The following IDE variants were observed in gnomAD, a reference collection of about 807,000 sequenced individuals.
The protein encoded by IDE is insulin degrading enzyme.
A neutral mutation model predicts 133.2 loss-of-function variants in IDE; 58 were observed. That is an observed-to-expected ratio of 0.44 (90% confidence interval 0.35 to 0.54). The LOEUF (loss-of-function observed/expected upper bound fraction) is 0.54, where lower values mean the gene tolerates loss of function less well. IDE is among the 20% of genes least tolerant of loss of function. The pLI, the probability that IDE is intolerant of heterozygous loss-of-function variation, is 0.00. For missense variants in IDE, 981 were observed against 1,234.0 expected, an observed-to-expected ratio of 0.79 and a Z score of 3.07; for synonymous variants, 396 against 421.3, an observed-to-expected ratio of 0.94 and a Z score of 0.73.
At chr10:92,472,917 G>A (rs1489439905) in intron 17 of IDE, among the ~76,000 whole-genome samples, 4 of 145,936 alleles carry the variant, frequency 2.7e-5, no homozygotes, top group Non-Finnish European at 4.5e-5. Context: ...GATTACAGGC[G>A]TGAGCCACCA....
At chr10:92,466,076 A>T (rs1023260790) in intron 19 of IDE, among the ~76,000 whole-genome samples, 4 of 151,588 alleles carry the variant, frequency 2.6e-5, no homozygotes, top group African/African-American at 4.9e-5. Context: ...CTCTCATCAG[A>T]AGGAGGGGAG....
intron 1 of IDE, among the ~76,000 whole-genome samples, chr10:92,556,139 G>A (rs1003140594): frequency 1.4e-4 from 17 of 122,942 alleles, no homozygotes; most frequent in Middle Eastern, 6.6e-3. Context: ...CACCACTGCA[G>A]TCCGCAGTCC....
At position 92,455,628 on chromosome 10, in the gene IDE, T is replaced by A; in HGVS notation, c.2912A>T (p.Glu971Val). The A allele has an allele frequency of 1.9e-6, 3 of 1,594,418 alleles. No homozygotes were observed. Among genetic ancestry groups the A allele is most frequent in the Admixed American group, 1.7e-5 (1 of 59,894 alleles). The change falls in exon 24 of 25, where the codon GAG becomes GTG. Residue 971 changes from glutamate (E) to valine (V), a missense_variant. Coordinates refer to ENST00000265986, the MANE Select transcript of IDE (RefSeq NM_004969.4). ...REMDSCPVVG[E>V]FPCQNDINLS... is the part of the protein sequence containing the mutation. Reference sequence around the variant, plus strand: ...ATTTATGTCATTTTGACATGGGAACTCTCCAACAACAGGACCTATAAGAAA... The same window carrying A: ...ATTTATGTCATTTTGACATGGGAACACTCCAACAACAGGACCTATAAGAAA...
rs142917394 is a variant in IDE at position 92,486,595 on chromosome 10, A to C, written c.1656+601T>G. ...AGAAGGGAGAAGAAATACGTTTAGA[A>C]GGGAGAATGTGCTGTAATAATTTGA... On this transcript the variant is annotated intron_variant, in intron 13 of 24. Transcript: ENST00000265986. 3.0e-3 allele frequency among the ~76,000 whole-genome samples: 459 copies of C among 152,248 alleles called. 7 individuals are homozygous for C. Among genetic ancestry groups the C allele is most frequent in the African/African-American group, 0.011 (446 of 41,514 alleles).
At chr10:92,477,833 C>G (rs1846360165) in intron 15 of IDE, among the ~76,000 whole-genome samples, 1 of 152,134 alleles carries the variant, frequency 6.6e-6, no homozygotes, top group South Asian at 2.1e-4. Flanking sequence ...GAGCTTCAAA[C>G]TTCTGTGGAC....
intron 4 of IDE, among the ~76,000 whole-genome samples, chr10:92,524,420 TATATA>T (rs1160065987): frequency 6.6e-5 from 6 of 91,444 alleles, no homozygotes; most frequent in African/African-American, 2.6e-4. Context: ...TATTATATTA[TATATA>T]ATATATTTTA....
intron 8 of IDE, among the ~76,000 whole-genome samples, 182 bp from the exon 9 acceptor site, chr10:92,507,848 G>T (rs916964503): frequency 2.0e-5 from 3 of 152,152 alleles, no homozygotes; most frequent in African/African-American, 7.2e-5. Flanking sequence ...AGAGATATGT[G>T]ACAGAAAGGG....
intron 11 of IDE, among the ~76,000 whole-genome samples, chr10:92,502,887 T>A (rs1286871840): frequency 6.6e-6 from 1 of 152,224 alleles, no homozygotes; most frequent in African/African-American, 2.4e-5. Context: ...ATTTTCTGTA[T>A]CATAATCAAT....
intron 1 of IDE, chr10:92,559,145 T>C (rs1014150797): frequency 2.6e-5 from 4 of 152,130 alleles, no homozygotes; most frequent in South Asian, 2.1e-4. Context: ...TATAGAGAAA[T>C]TGGAATTTTC....
At chr10:92,509,236 G>GT (rs1210659703) in intron 6 of IDE, among the ~76,000 whole-genome samples, 2 of 152,164 alleles carry the variant, frequency 1.3e-5, no homozygotes, top group African/African-American at 2.4e-5. Context: ...ATATTGATAT[G>GT]TTTTTGGTGA....
In IDE at chr10:92,504,805, T is replaced by C; in HGVS notation, c.1419A>G (p.Pro473=). 1 of 1,571,260 alleles carries C rather than the reference T, an allele frequency of 6.4e-7. No individual in the cohort carries two copies. Among genetic ancestry groups the C allele is most frequent in the African/African-American group, 1.4e-5 (1 of 73,884 alleles). Residue 473 remains proline (P), a synonymous_variant, in exon 11 of 25, where the codon CCA becomes CCG. Coordinates refer to ENST00000265986, the MANE Select transcript of IDE (RefSeq NM_004969.4). ...LIEMVLDKLR[P]ENVRVAIVSK... is the part of the protein sequence containing the mutation. ...GTATGGTGACTCACCGGACATTTTC[T>C]GGTCTGAGTTTATCGAGAACCATCT... is the stretch of plus-strand genomic sequence containing the variant.
intron 19 of IDE, among the ~76,000 whole-genome samples, chr10:92,466,696 C>T (rs978145269): frequency 1.3e-5 from 2 of 150,816 alleles, no homozygotes; most frequent in South Asian, 4.2e-4. Context: ...CGGCTCACTG[C>T]AACCTCCATC....
At chr10:92,557,522 T>G (rs1843068804) in intron 1 of IDE, among the ~76,000 whole-genome samples, 1 of 150,720 alleles carries the variant, frequency 6.6e-6, no homozygotes. Flanking sequence ...GGAGAAAGAC[T>G]CCATCTCAAA....
At chr10:92,477,424 T>C (rs1170037557) in intron 15 of IDE, among the ~76,000 whole-genome samples, 2 of 152,234 alleles carry the variant, frequency 1.3e-5, no homozygotes, top group African/African-American at 4.8e-5. Context: ...CCCAAAGTGC[T>C]GGGATTACAG....
intron 14 of IDE, 144 bp downstream of exon 14, chr10:92,483,111 A>G (rs966287000): frequency 8.6e-6 from 5 of 582,102 alleles, no homozygotes; most frequent in East Asian, 2.9e-5. Context: ...TTATTTATTT[A>G]TTTTTTTCAG....
At chr10:92,539,000 C>G (rs1842162118) in intron 1 of IDE, among the ~76,000 whole-genome samples, 1 of 152,060 alleles carries the variant, frequency 6.6e-6, no homozygotes, top group Non-Finnish European at 1.5e-5. Flanking sequence ...AATAGGCATA[C>G]AATTATTTTA....
In IDE at chr10:92,454,429, A is replaced by G. The variant is rs1201727145; in HGVS notation, c.*15T>C. The G allele has an allele frequency of 1.3e-6, 2 of 1,569,868 alleles. No individual in the cohort carries two copies. Among genetic ancestry groups the G allele is most frequent in the Admixed American group, 1.7e-5 (1 of 59,926 alleles). On this transcript the variant is annotated 3_prime_UTR_variant, in exon 25 of 25. Transcript: ENST00000265986. ...GGAATGCATCCACTTGCACTTTCCC[A>G]TGCATGGGGAATCTTCAGAGTTTTG...
intron 13 of IDE, among the ~76,000 whole-genome samples, chr10:92,485,393 ACAGGCGTGAGC>A (rs972511448): frequency 6.6e-6 from 1 of 152,098 alleles, no homozygotes; most frequent in Non-Finnish European, 1.5e-5. Flanking sequence ...TGCTGGGATT[ACAGGCGTGAGC>A]CACTGCATCT....
chr10:92,530,304 G>GT lies in IDE; in HGVS notation c.661+1443dup, dbSNP rs981843146. ...TTGAAAAAACAAAAAAAAAGTTGTT[G>GT]TTTTTTTTTTGAGACAGGGTCTTAC... On this transcript the variant is annotated intron_variant, in intron 4 of 24. Coordinates refer to ENST00000265986, the MANE Select transcript of IDE (RefSeq NM_004969.4). Among the ~76,000 whole-genome samples the GT allele has an allele frequency of 1.3e-3, 189 of 148,016 alleles. 1 individual carries two copies. The highest frequency in any genetic ancestry group is 3.2e-3 in the African/African-American group (131 of 40,444).
Sources: gnomAD v4.1 joint callset for allele counts (sites outside exome capture counted in the v4.1 genomes callset) on GRCh38, gnomAD v4.1.1 for gene constraint, MANE v1.5 for transcripts, NCBI Gene and HGNC (gene_info 2026-07-23, HGNC 2026-07-21) for gene names.